COL19A1: variants seen among roughly 807,000 people sequenced by gnomAD.
COL19A1 encodes collagen type XIX alpha 1 chain.
In COL19A1, 159 loss-of-function variants were observed where a neutral mutation model predicts 190.2. The observed-to-expected ratio is 0.84, with a 90% CI of 0.73 to 0.95. The LOEUF (loss-of-function observed/expected upper bound fraction) is 0.95, where lower values mean the gene tolerates loss of function less well. Among genes scored for constraint, COL19A1 ranks in the 40% least tolerant of loss-of-function variants. COL19A1 has a pLI of 0.00. For synonymous variants in COL19A1, 509 were observed against 458.9 expected (o/e 1.11, Z -1.39); for missense variants, 1,418 against 1,431.9 (o/e 0.99, Z 0.16).
intron 23 of COL19A1, among the ~76,000 whole-genome samples, chr6:70,143,481 TG>T (rs1786396254): frequency 6.6e-6 from 1 of 152,108 alleles, no homozygotes; most frequent in Non-Finnish European, 1.5e-5. Flanking sequence ...CATAACTCCT[TG>T]GAGACTGATC....
intron 15 of COL19A1, among the ~76,000 whole-genome samples, chr6:70,091,356 T>C (rs548285438): frequency 6.6e-6 from 1 of 152,300 alleles, no homozygotes; most frequent in South Asian, 2.1e-4. Context: ...TTGGCATCTA[T>C]TACTATTATT....
At chr6:70,021,971 A>AT (rs544808653) in intron 11 of COL19A1, among the ~76,000 whole-genome samples, 1 of 152,074 alleles carries the variant, frequency 6.6e-6, no homozygotes, top group Admixed American at 6.5e-5. Context: ...TGTTTTGTAT[A>AT]TTGTATGCGT....
chr6:70,146,704 G>A lies in COL19A1; in HGVS notation c.1815+1G>A, dbSNP rs770751923. On this transcript the variant is annotated splice_donor_variant, in intron 26 of 50. Coordinates refer to ENST00000620364, the MANE Select transcript of COL19A1 (RefSeq NM_001858.6). LOFTEE classifies it high-confidence loss of function. ...AGCACCTGGTCCACGTGGGCCAAAG[G>A]TATACAAATATTATAGTTAATTTTT... is the stretch of plus-strand genomic sequence containing the variant. 6.2e-7 allele frequency: 1 copy of A among 1,604,434 alleles called. No homozygotes were observed. Among genetic ancestry groups the A allele is most frequent in the African/African-American group, 1.3e-5 (1 of 74,282 alleles).
chr6:69,990,316 T>C (rs1776548641), intron 11 of COL19A1, among the ~76,000 whole-genome samples: 1 of 152,104 alleles, frequency 6.6e-6, no homozygotes, highest in Non-Finnish European at 1.5e-5. Flanking sequence ...AAGGCTTTTG[T>C]TTTTACATAA....
chr6:69,894,577 T>G (rs1364539485), intron 2 of COL19A1, among the ~76,000 whole-genome samples: 1 of 152,216 alleles, frequency 6.6e-6, no homozygotes, highest in East Asian at 1.9e-4. Flanking sequence ...TAATTAGAGC[T>G]CTTTTGACAG....
intron 16 of COL19A1, among the ~76,000 whole-genome samples, chr6:70,121,377 C>A (rs1056868264): frequency 3.3e-5 from 5 of 152,186 alleles, no homozygotes; most frequent in Admixed American, 3.3e-4. Context: ...TTTTATAGCA[C>A]ACATCTTTTT....
intron 17 of COL19A1, among the ~76,000 whole-genome samples, chr6:70,122,664 C>A (rs1784951114): frequency 6.6e-6 from 1 of 152,158 alleles, no homozygotes; most frequent in Non-Finnish European, 1.5e-5. Context: ...TGATTTCTTG[C>A]ACCACAGAAA....
intron 14 of COL19A1, among the ~76,000 whole-genome samples, chr6:70,037,598 C>A (rs1309081855): frequency 2.6e-5 from 4 of 152,172 alleles, no homozygotes; most frequent in African/African-American, 7.2e-5. Context: ...TTATGTAAGA[C>A]ACATGCCTGT....
At chr6:70,139,811 TATAG>T (rs1235264943) in intron 19 of COL19A1, among the ~76,000 whole-genome samples, 5 of 152,084 alleles carry the variant, frequency 3.3e-5, no homozygotes, top group African/African-American at 4.8e-5. Flanking sequence ...CCCATGATTT[TATAG>T]ATAAAGAAAG....
At chr6:70,152,340 C>T (rs953412114) in intron 31 of COL19A1, among the ~76,000 whole-genome samples, 1 of 152,008 alleles carries the variant, frequency 6.6e-6, no homozygotes, top group Admixed American at 6.6e-5. Flanking sequence ...CAATAGTAAG[C>T]AGGCAGAAAT....
intron 9 of COL19A1, among the ~76,000 whole-genome samples, chr6:69,942,703 A>C (rs758620102): frequency 9.4e-5 from 13 of 137,822 alleles, no homozygotes; most frequent in Non-Finnish European, 1.4e-4. Context: ...ATGGGATTTT[A>C]CTCTTTTTTA....
chr6:69,958,080 G>A (rs1398763206), intron 9 of COL19A1, among the ~76,000 whole-genome samples: 2 of 152,104 alleles, frequency 1.3e-5, no homozygotes, highest in African/African-American at 4.8e-5. Context: ...CAATATCACA[G>A]CTCTAGAGAG....
intron 11 of COL19A1, among the ~76,000 whole-genome samples, chr6:70,002,725 A>C (rs1304913853): frequency 6.9e-6 from 1 of 145,422 alleles, no homozygotes; most frequent in African/African-American, 2.5e-5. Context: ...CCCCTTTGTC[A>C]CTTTTTATTG....
At chr6:69,952,571 G>A (rs576884920) in intron 9 of COL19A1, among the ~76,000 whole-genome samples, 6 of 152,070 alleles carry the variant, frequency 3.9e-5, no homozygotes, top group African/African-American at 1.4e-4. Flanking sequence ...CATGATGAGA[G>A]AGTGGCCAAG....
At chr6:69,918,971 A>T (rs1197642957) in intron 4 of COL19A1, among the ~76,000 whole-genome samples, 1 of 152,158 alleles carries the variant, frequency 6.6e-6, no homozygotes, top group East Asian at 1.9e-4. Context: ...CTAAGGACTT[A>T]GGTATGTAAG....
At chr6:69,998,387 G>A (rs1398238724) in intron 11 of COL19A1, among the ~76,000 whole-genome samples, 1 of 151,868 alleles carries the variant, frequency 6.6e-6, no homozygotes, top group Non-Finnish European at 1.5e-5. Flanking sequence ...TCTCATGCCT[G>A]CAGTTCTAGC....
rs1554200728 is a variant in COL19A1, at chr6:70,074,516, AAG to A, written c.1224+6048_1224+6049del. Among the ~76,000 whole-genome samples the A allele has an allele frequency of 7.8e-4, 116 of 149,312 alleles. 1 individual carries two copies. Among genetic ancestry groups the A allele is most frequent in the South Asian group, 6.9e-3 (32 of 4,616 alleles). Reference sequence around the variant, plus strand: ...TCCACCTCAAAAAAAAAAAAAAAAAAAGAGAGAGAAAGAGTATTTCTTCTTAC... The same window carrying A: ...TCCACCTCAAAAAAAAAAAAAAAAAAAGAGAGAAAGAGTATTTCTTCTTAC... On this transcript the variant is annotated intron_variant, in intron 15 of 50. Transcript: ENST00000620364.
intron 2 of COL19A1, among the ~76,000 whole-genome samples, chr6:69,897,964 A>G (rs1050499214): frequency 2.0e-5 from 3 of 152,128 alleles, no homozygotes; most frequent in Non-Finnish European, 2.9e-5. Context: ...TTAAGATGAT[A>G]CCCTCTCACC....
chr6:70,131,757 G>T (rs531562196), intron 18 of COL19A1, among the ~76,000 whole-genome samples: 1 of 152,164 alleles, frequency 6.6e-6, no homozygotes, highest in Non-Finnish European at 1.5e-5. Flanking sequence ...GTATTTAAAT[G>T]ATGATTCATT....
Sources: allele counts gnomAD v4.1 joint callset (sites outside exome capture counted in the v4.1 genomes callset), GRCh38; gene constraint gnomAD v4.1.1; transcripts MANE v1.5; gene names NCBI Gene and HGNC (gene_info 2026-07-23, HGNC 2026-07-21).